Variants in TENM4 observed in about 807,000 individuals in gnomAD.
The protein encoded by TENM4 is teneurin-4.
TENM4 carries 82 observed loss-of-function variants against 243.3 expected under a neutral mutation model. That is an observed-to-expected ratio of 0.34 (90% CI 0.28 to 0.40). The LOEUF is 0.40. TENM4 is among the 10% of genes least tolerant of loss of function. The pLI is 1.00. For synonymous variants in TENM4, 1,412 were observed against 1,456.3 expected, an observed-to-expected ratio of 0.97 and a Z score of 0.69; for missense variants, 3,138 against 3,673.3, an observed-to-expected ratio of 0.85 and a Z score of 3.77.
chr11:78,971,062 G>C lies in TENM4; in HGVS notation c.494-67539C>G, dbSNP rs1024798859. On this transcript the variant is annotated intron_variant, in intron 6 of 33. Coordinates refer to ENST00000278550, the MANE Select transcript of TENM4 (RefSeq NM_001098816.3). ...AGATCTCTCTGTGTTGCCCAGGCTAGAATGTAGTGGCTATTCACAGGCACA... is the reference window on the plus strand; with the variant it reads ...AGATCTCTCTGTGTTGCCCAGGCTACAATGTAGTGGCTATTCACAGGCACA... Among the ~76,000 whole-genome samples the C allele has an allele frequency of 5.3e-5, 8 of 152,152 alleles. No homozygotes were observed. The South Asian group carries it at 8.3e-4, about 16-fold the overall frequency.
chr11:78,892,306 G>A (rs1248269423), intron 7 of TENM4, among the ~76,000 whole-genome samples: 1 of 152,156 alleles, frequency 6.6e-6, no homozygotes, highest in Non-Finnish European at 1.5e-5. Context: ...CAGACTCTGT[G>A]GTGAATCATT....
At chr11:78,660,195 G>A (rs984596742) in intron 33 of TENM4, among the ~76,000 whole-genome samples, 2 of 152,192 alleles carry the variant, frequency 1.3e-5, no homozygotes, top group African/African-American at 2.4e-5. Context: ...GAACTGGAGA[G>A]GCTGGGCAGC....
chr11:78,879,777 T>C (rs1859380060), intron 9 of TENM4, among the ~76,000 whole-genome samples: 4 of 151,468 alleles, frequency 2.6e-5, no homozygotes, highest in Admixed American at 2.6e-4. Flanking sequence ...GGCCGCCCTG[T>C]CTGGGATGTG....
chr11:79,413,871 AAGG>A (rs1025641873), intron 1 of TENM4, among the ~76,000 whole-genome samples: 8 of 152,114 alleles, frequency 5.3e-5, no homozygotes, highest in Admixed American at 3.3e-4. Flanking sequence ...CTGCAAAAAA[AAGG>A]AGAAAAATAT....
intron 4 of TENM4, among the ~76,000 whole-genome samples, chr11:79,144,956 G>T (rs1046024192): frequency 2.0e-5 from 3 of 152,056 alleles, no homozygotes; most frequent in Non-Finnish European, 4.4e-5. Context: ...ACAAATAAAT[G>T]ATAAATGCTT....
intron 6 of TENM4, among the ~76,000 whole-genome samples, chr11:79,016,491 T>C (rs565492059): frequency 3.9e-5 from 6 of 152,302 alleles, no homozygotes; most frequent in African/African-American, 1.4e-4. Context: ...AGTTTTGTTT[T>C]AGTTATGTTA....
At chr11:79,031,171 A>G (rs1859226224) in intron 6 of TENM4, among the ~76,000 whole-genome samples, 1 of 152,168 alleles carries the variant, frequency 6.6e-6, no homozygotes, top group South Asian at 2.1e-4. Context: ...GTCACAGATA[A>G]AGAGATGTAA....
intron 4 of TENM4, among the ~76,000 whole-genome samples, chr11:79,137,767 G>A (rs1386683849): frequency 3.9e-5 from 6 of 152,060 alleles, no homozygotes; most frequent in African/African-American, 1.4e-4. Flanking sequence ...TTAACTTTAT[G>A]TAATAGCATT....
At chr11:79,018,779 T>A (rs1021251881) in intron 6 of TENM4, among the ~76,000 whole-genome samples, 4 of 152,240 alleles carry the variant, frequency 2.6e-5, no homozygotes, top group Non-Finnish European at 4.4e-5. Flanking sequence ...GATCTACATG[T>A]TATTCACTGA....
intron 6 of TENM4, among the ~76,000 whole-genome samples, chr11:79,056,583 C>T (rs892753137): frequency 6.6e-6 from 1 of 151,874 alleles, no homozygotes; most frequent in African/African-American, 2.4e-5. Context: ...TTGAGGCAAC[C>T]AAGCAGAAGG....
At chr11:78,825,182 G>A (rs536436146) in intron 12 of TENM4, among the ~76,000 whole-genome samples, 13 of 152,304 alleles carry the variant, frequency 8.5e-5, no homozygotes, top group African/African-American at 3.1e-4. Context: ...TCACTACACC[G>A]GTCTAGGTCT....
chr11:78,722,142 C>T (rs115516820), intron 24 of TENM4, among the ~76,000 whole-genome samples: 1,907 of 152,184 alleles, frequency 0.013, 60 homozygotes, highest in African/African-American at 0.044. Flanking sequence ...TCCTGAGTAG[C>T]TAGGACTACA....
chr11:78,674,509 C>T lies in TENM4; in HGVS notation c.5496+1643G>A, dbSNP rs78603127. 5.5e-3 allele frequency among the ~76,000 whole-genome samples: 841 copies of T among 152,298 alleles called. 8 individuals are homozygous for T. The highest frequency in any genetic ancestry group is 0.019 in the African/African-American group (805 of 41,566). On this transcript the variant is annotated intron_variant, in intron 30 of 33. Transcript: ENST00000278550. ...GCACCTGGAGTCTACCTGTGCTGGGCTAGGTGCGTTGATTGTATCATCTTG... is the reference window on the plus strand; with the variant it reads ...GCACCTGGAGTCTACCTGTGCTGGGTTAGGTGCGTTGATTGTATCATCTTG...
chr11:79,059,007 G>A (rs1221263658), intron 6 of TENM4, among the ~76,000 whole-genome samples: 1 of 152,228 alleles, frequency 6.6e-6, no homozygotes, highest in Non-Finnish European at 1.5e-5. Flanking sequence ...AAGGAGAGCA[G>A]AGGATAAATG....
intron 11 of TENM4, among the ~76,000 whole-genome samples, chr11:78,855,492 G>A (rs1858660003): frequency 6.6e-6 from 1 of 152,172 alleles, no homozygotes; most frequent in African/African-American, 2.4e-5. Context: ...TCTGAGCCAG[G>A]TCCTGCACTA....
At chr11:79,353,072 G>A (rs1857441401) in intron 1 of TENM4, among the ~76,000 whole-genome samples, 1 of 152,094 alleles carries the variant, frequency 6.6e-6, no homozygotes, top group South Asian at 2.1e-4. Flanking sequence ...CAGGTAGGGG[G>A]ACAGGCAGGG....
chr11:78,729,492 A>G lies in TENM4; in HGVS notation c.3290T>C (p.Val1097Ala), dbSNP rs1375762232. The G allele has an allele frequency of 1.2e-6, 2 of 1,613,464 alleles. No individual in the cohort carries two copies. Among genetic ancestry groups the G allele is most frequent in the African/African-American group, 2.7e-5 (2 of 74,882 alleles). ...NLMKVHLMVA[V>A]EGRLFRKWFA... Reference sequence around the variant, plus strand: ...CCACTTCCTGAAGAGGCGGCCCTCCACCGCTACCATGAGGTGCACCTTCAT... The same window carrying G: ...CCACTTCCTGAAGAGGCGGCCCTCCGCCGCTACCATGAGGTGCACCTTCAT... The change falls in exon 22 of 34, where the codon GTG becomes GCG. Residue 1097 changes from valine (V) to alanine (A), a missense_variant. Physicochemically the swap from Val to Ala is moderately conservative, Grantham distance 64. Coordinates refer to ENST00000278550, the MANE Select transcript of TENM4 (RefSeq NM_001098816.3).
At chr11:78,750,371 G>T (rs1426179957) in intron 19 of TENM4, among the ~76,000 whole-genome samples, 2 of 152,200 alleles carry the variant, frequency 1.3e-5, no homozygotes, top group Non-Finnish European at 2.9e-5. Flanking sequence ...GGTTTGTTGT[G>T]ACCTGCAATT....
intron 6 of TENM4, among the ~76,000 whole-genome samples, chr11:78,914,348 G>A (rs1856265323): frequency 6.6e-6 from 1 of 152,180 alleles, no homozygotes. Context: ...ACTGCCAAAG[G>A]GGTGGGAGAA....
Sources: allele counts gnomAD v4.1 joint callset (sites outside exome capture counted in the v4.1 genomes callset), GRCh38; gene constraint gnomAD v4.1.1; transcripts MANE v1.5; gene names NCBI Gene and HGNC (gene_info 2026-07-23, HGNC 2026-07-21).